PRKG1: variants seen among roughly 807,000 people sequenced by gnomAD.
The protein encoded by PRKG1 is cGMP-dependent protein kinase 1.
A neutral mutation model predicts 88.1 loss-of-function variants in PRKG1; 35 were observed. The ratio of observed to expected loss-of-function variants is 0.40; its 90% confidence interval spans 0.30 to 0.53. The LOEUF (loss-of-function observed/expected upper bound fraction) is 0.53, where lower values mean the gene tolerates loss of function less well. Ranked by LOEUF, PRKG1 falls within the 20% of genes least tolerant of loss-of-function variation. The pLI, the probability that PRKG1 is intolerant of heterozygous loss-of-function variation, is 0.59. For synonymous variants in PRKG1, 303 were observed against 292.5 expected (o/e 1.04, Z -0.37); for missense variants, 540 against 839.8 (o/e 0.64, Z 4.41).
Position 51,125,460 on chromosome 10 carries a change from G to A in PRKG1, c.312-27704G>A, listed in dbSNP as rs567844862. Among the ~76,000 whole-genome samples the A allele has an allele frequency of 1.2e-4, 18 of 150,690 alleles. 2 individuals carry two copies. The East Asian group carries it at 3.5e-3, about 29-fold the overall frequency. Reference sequence around the variant, plus strand: ...CTCAGCATTTTAGGAGGCCAAGTTGGGCAGATCACCTGAGGTTAGGAGTTC... The same window carrying A: ...CTCAGCATTTTAGGAGGCCAAGTTGAGCAGATCACCTGAGGTTAGGAGTTC... On this transcript the variant is annotated intron_variant, in intron 1 of 17. Coordinates refer to ENST00000373980, the MANE Select transcript of PRKG1 (RefSeq NM_006258.4).
intron 3 of PRKG1, among the ~76,000 whole-genome samples, chr10:51,584,627 G>T (rs1838125911): frequency 6.6e-6 from 1 of 151,906 alleles, no homozygotes. Context: ...GGCAGAGAGA[G>T]GAATAACAAA....
chr10:51,933,165 A>C (rs1301621135), intron 5 of PRKG1, among the ~76,000 whole-genome samples: 1 of 152,122 alleles, frequency 6.6e-6, no homozygotes, highest in Non-Finnish European at 1.5e-5. Context: ...ACATTGCTCC[A>C]GAGGTTCAGA....
At chr10:52,203,284 T>C (rs1376604849) in intron 9 of PRKG1, among the ~76,000 whole-genome samples, 1 of 152,226 alleles carries the variant, frequency 6.6e-6, no homozygotes, top group Non-Finnish European at 1.5e-5. Flanking sequence ...CCAAAGTAAA[T>C]CAGGAGCATG....
intron 1 of PRKG1, among the ~76,000 whole-genome samples, chr10:51,139,317 G>T (rs551108132): frequency 1.3e-5 from 2 of 152,172 alleles, no homozygotes; most frequent in African/African-American, 4.8e-5. Flanking sequence ...CAAATCATTG[G>T]ATGACCTCAC....
intron 9 of PRKG1, among the ~76,000 whole-genome samples, chr10:52,220,863 T>C (rs1840227528): frequency 6.6e-6 from 1 of 152,184 alleles, no homozygotes; most frequent in Non-Finnish European, 1.5e-5. Flanking sequence ...TTGCGAATAG[T>C]GCTGCAATGA....
intron 1 of PRKG1, among the ~76,000 whole-genome samples, chr10:51,053,983 G>A (rs1843598208): frequency 6.6e-6 from 1 of 152,038 alleles, no homozygotes; most frequent in Non-Finnish European, 1.5e-5. Context: ...TAAAAATGAT[G>A]TAACTAAATA....
At chr10:51,594,583 T>A (rs775087872) in intron 3 of PRKG1, among the ~76,000 whole-genome samples, 4 of 152,242 alleles carry the variant, frequency 2.6e-5, no homozygotes, top group Non-Finnish European at 5.9e-5. Flanking sequence ...GATATGTTGA[T>A]AAGGTTCCTC....
chr10:51,458,575 A>G (rs1839656490), intron 2 of PRKG1, among the ~76,000 whole-genome samples: 1 of 152,124 alleles, frequency 6.6e-6, no homozygotes, highest in South Asian at 2.1e-4. Flanking sequence ...GCAGGTAGTT[A>G]TTATTCCCAT....
At chr10:52,280,730 A>G (rs976983001) in intron 12 of PRKG1, 59 bp from the exon 13 acceptor site, 1 of 1,541,988 alleles carries the variant, frequency 6.5e-7, no homozygotes, top group Non-Finnish European at 8.8e-7. Flanking sequence ...AAAAAAAAAT[A>G]AAGCCATATT....
At chr10:51,848,077 G>A (rs189643404) in intron 4 of PRKG1, among the ~76,000 whole-genome samples, 383 of 151,864 alleles carry the variant, frequency 2.5e-3, no homozygotes, top group Non-Finnish European at 4.1e-3. Flanking sequence ...CCAAATGCTA[G>A]GAAACTCCCT....
At chr10:51,406,006 G>A (rs1837900667) in intron 2 of PRKG1, among the ~76,000 whole-genome samples, 1 of 152,156 alleles carries the variant, frequency 6.6e-6, no homozygotes, top group South Asian at 2.1e-4. Context: ...TCCTTTCTCT[G>A]TTTAAGGCCC....
At chr10:51,486,958 AC>A (rs1380964035) in intron 3 of PRKG1, among the ~76,000 whole-genome samples, 2 of 152,048 alleles carry the variant, frequency 1.3e-5, no homozygotes, top group Non-Finnish European at 2.9e-5. Flanking sequence ...TCAGATTGCC[AC>A]AGGCTTTTTT....
intron 2 of PRKG1, among the ~76,000 whole-genome samples, chr10:51,288,533 A>G (rs879739469): frequency 6.6e-6 from 1 of 152,172 alleles, no homozygotes; most frequent in Non-Finnish European, 1.5e-5. Flanking sequence ...CAGTCATCAA[A>G]TTTCTCATCA....
rs1277228385 is a variant in PRKG1, at chr10:51,830,565, T to G, written c.698+25875T>G. ...CTTAAAGTGTTTTTTTTTTTGTTTT[T>G]TTTTTTTTTTTTTTGAGTCACAGTC... On this transcript the variant is annotated intron_variant, in intron 4 of 17. Transcript: ENST00000373980. 1.9e-4 allele frequency among the ~76,000 whole-genome samples: 19 copies of G among 102,624 alleles called. No individual in the cohort carries two copies. In the East Asian group the frequency reaches 5.3e-3, roughly 29 times the overall value. The allele number at this position is 102,624 out of a possible 152,430, so 67.3% of individuals were successfully genotyped here.
At chr10:52,033,382 A>G (rs1845519768) in intron 5 of PRKG1, among the ~76,000 whole-genome samples, 1 of 152,234 alleles carries the variant, frequency 6.6e-6, no homozygotes, top group South Asian at 2.1e-4. Flanking sequence ...GTGACAAAAA[A>G]GCTTATAACC....
intron 4 of PRKG1, among the ~76,000 whole-genome samples, chr10:51,883,009 A>G (rs1406546435): frequency 5.3e-5 from 8 of 152,228 alleles, no homozygotes; most frequent in Non-Finnish European, 1.2e-4. Flanking sequence ...AGAGATTAGC[A>G]TTTGAACTGG....
intron 1 of PRKG1, among the ~76,000 whole-genome samples, chr10:51,005,127 G>A (rs556490384): frequency 5.9e-5 from 9 of 152,070 alleles, no homozygotes; most frequent in Admixed American, 4.6e-4. Context: ...ACATTTATTT[G>A]GATCAGAATT....
At chr10:51,944,147 A>G (rs1313959149) in intron 5 of PRKG1, among the ~76,000 whole-genome samples, 1 of 152,048 alleles carries the variant, frequency 6.6e-6, no homozygotes, top group Non-Finnish European at 1.5e-5. Context: ...TTATTGGTCT[A>G]TTCAGAGAGT....
At chr10:51,765,681 C>CATTGAAAA (rs1435446164) in intron 3 of PRKG1, among the ~76,000 whole-genome samples, 1 of 152,110 alleles carries the variant, frequency 6.6e-6, no homozygotes, top group African/African-American at 2.4e-5. Context: ...ACTTTCCTTC[C>CATTGAAAA]TGTCTACCTA....
Sources: gnomAD v4.1 joint callset for allele counts (sites outside exome capture counted in the v4.1 genomes callset) on GRCh38, gnomAD v4.1.1 for gene constraint, MANE v1.5 for transcripts, NCBI Gene and HGNC (gene_info 2026-07-23, HGNC 2026-07-21) for gene names.